The following C15orf40 variants were observed in gnomAD, a reference collection of about 807,000 sequenced individuals.
C15orf40 encodes UPF0235 protein C15orf40.
A neutral mutation model predicts 13.9 loss-of-function variants in C15orf40; 9 were observed. The observed-to-expected ratio is 0.65, with a 90% CI of 0.39 to 1.13. The LOEUF is 1.13. Ranked by LOEUF, C15orf40 falls within the 50% of genes most tolerant of loss-of-function variation. The pLI is 0.01. For synonymous variants in C15orf40, 95 were observed against 69.2 expected (o/e 1.37, Z -1.85); for missense variants, 225 against 188.5 (o/e 1.19, Z -1.13).
In C15orf40 at chr15:83,008,531, A is replaced by G. The variant is rs74479393; in HGVS notation, c.366+17T>C. 243 of 1,609,810 alleles carry G rather than the reference A, an allele frequency of 1.5e-4. 1 individual carries two copies. The African/African-American group carries it at 1.7e-3, about 11-fold the overall frequency. On this transcript the variant is annotated intron_variant, in intron 3 of 3. Coordinates refer to ENST00000304177, the MANE Select transcript of C15orf40 (RefSeq NM_144597.3). ...AAGATTTTGTCTCAAAAAAAAAAAAAAGAGAGCGAGACCTACCTTATCCAA... is the reference window on the plus strand; with the variant it reads ...AAGATTTTGTCTCAAAAAAAAAAAAGAGAGAGCGAGACCTACCTTATCCAA...
At chr15:83,006,121 C>T (rs1348766762) in intron 3 of C15orf40, among the ~76,000 whole-genome samples, 3 of 151,854 alleles carry the variant, frequency 2.0e-5, no homozygotes, top group Non-Finnish European at 2.9e-5. Context: ...ATCCCAGCTA[C>T]TCAGGAGACT....
rs1310700461 is a variant in C15orf40 at position 83,005,275 on chromosome 15, T to C, written c.*322A>G. 3 of 1,007,706 alleles carry C rather than the reference T, an allele frequency of 3.0e-6. No homozygotes were observed. Among genetic ancestry groups the C allele is most frequent in the Non-Finnish European group, 3.6e-6 (3 of 839,406 alleles). The allele number at this position is 1,007,706 out of a possible 1,614,324, so 62.4% of individuals were successfully genotyped here. On this transcript the variant is annotated 3_prime_UTR_variant, in exon 4 of 4. Transcript: ENST00000304177. ...TAGCAATAAAAAAGTTTCTCAAGGA[T>C]GTATTTTTTATTTCTTTTTTTTCGG...
At chr15:83,006,376 T>C (rs1417405586) in intron 3 of C15orf40, 6 of 983,024 alleles carry the variant, frequency 6.1e-6, no homozygotes, top group Non-Finnish European at 7.2e-6. Flanking sequence ...AAATTGCTAT[T>C]CTCTATGTTG....
At position 82,999,343 on chromosome 15, in the gene C15orf40, C is replaced by T. The variant is rs1246108151; in HGVS notation, c.*6254G>A. 1 of 152,050 alleles carries T rather than the reference C, an allele frequency of 6.6e-6. No homozygotes were observed. The highest frequency in any genetic ancestry group is 6.6e-5 in the Admixed American group (1 of 15,264). 9.4% of individuals were successfully genotyped at this position (152,050 alleles called of 1,614,324 possible). Reference sequence around the variant, plus strand: ...AAGTAGCTGAGACTACAGGCACACACCACCATGCCTAGTTAATTTTTTTAA... The same window carrying T: ...AAGTAGCTGAGACTACAGGCACACATCACCATGCCTAGTTAATTTTTTTAA... On this transcript the variant is annotated 3_prime_UTR_variant, in exon 4 of 4. Transcript: ENST00000304177.
In C15orf40 at chr15:83,005,346, G is replaced by A. The variant is rs569391719; in HGVS notation, c.*251C>T. 7 of 843,716 alleles carry A rather than the reference G, an allele frequency of 8.3e-6. No individual in the cohort carries two copies. The highest frequency in any genetic ancestry group is 1.9e-4 in the East Asian group (2 of 10,600). The allele number at this position is 843,716 out of a possible 1,614,324, so 52.3% of individuals were successfully genotyped here. On this transcript the variant is annotated 3_prime_UTR_variant, in exon 4 of 4. Coordinates refer to ENST00000304177, the MANE Select transcript of C15orf40 (RefSeq NM_144597.3). ...GTTGCCCAGGCTGGAGTGCAACGGC[G>A]CGATCTCGGCTTACTGCAACCTCCG...
downstream of C15orf40, chr15:82,988,991 T>C: frequency 6.4e-7 from 1 of 1,559,046 alleles, no homozygotes; most frequent in Non-Finnish European, 8.7e-7. Flanking sequence ...TTAATGGAAA[T>C]GTCTTTAAAA....
Position 82,998,164 on chromosome 15 carries a change from G to C in C15orf40, c.*7433C>G, listed in dbSNP as rs1183366919. On this transcript the variant is annotated 3_prime_UTR_variant, in exon 4 of 4. Coordinates refer to ENST00000304177, the MANE Select transcript of C15orf40 (RefSeq NM_144597.3). ...TCCCGGACGGGGCGGCTGGCCGGGC[G>C]GGGGGCTGACCCCCCACCTCCCTCC... The C allele has an allele frequency of 1.5e-5, 2 of 137,498 alleles. No individual in the cohort carries two copies. The highest frequency in any genetic ancestry group is 1.4e-4 in the Admixed American group (2 of 14,376). The allele number at this position is 137,498 out of a possible 1,614,324, so 8.5% of individuals were successfully genotyped here.
chr15:83,009,202 T>TTTA (rs2031863319), intron 2 of C15orf40, among the ~76,000 whole-genome samples: 1 of 152,236 alleles, frequency 6.6e-6, no homozygotes, highest in East Asian at 1.9e-4. Context: ...ACAGAGCACT[T>TTTA]ACTATACACC....
At chr15:83,008,492 T>A in intron 3 of C15orf40, 56 bp downstream of exon 3, 1 of 1,581,440 alleles carries the variant, frequency 6.3e-7, no homozygotes, top group Non-Finnish European at 8.6e-7. Context: ...GCACTCCAGC[T>A]TGGGCGACAG....
Position 82,999,537 on chromosome 15 carries a change from C to T in C15orf40, c.*6060G>A, listed in dbSNP as rs188278023. ...AATTATGTTAGCCACATTTCAAGTG[C>T]TCAATAGCCACATGTGGTGTGAGCA... On this transcript the variant is annotated 3_prime_UTR_variant, in exon 4 of 4. Coordinates refer to ENST00000304177, the MANE Select transcript of C15orf40 (RefSeq NM_144597.3). 6.6e-6 allele frequency: 1 copy of T among 152,238 alleles called. No homozygotes were observed. The highest frequency in any genetic ancestry group is 2.4e-5 in the African/African-American group (1 of 41,532). The allele number at this position is 152,238 out of a possible 1,614,324, so 9.4% of individuals were successfully genotyped here. A position where few individuals can be genotyped will look rare whatever the true frequency, so the allele number is the denominator to read the frequency against.
Position 83,001,178 on chromosome 15 carries a change from G to GA in C15orf40, c.*4418dup. The GA allele has an allele frequency of 1.0e-6, 1 of 985,462 alleles. No homozygotes were observed. The highest frequency in any genetic ancestry group is 1.2e-6 in the Non-Finnish European group (1 of 829,968). 61.0% of individuals were successfully genotyped at this position (985,462 alleles called of 1,614,324 possible). Reference sequence around the variant, plus strand: ...TTGCTGTCCCTCCCCTAACCGAGAGGAAAGTGTGGAATGGCTCACAGAAAT... The same window carrying GA: ...TTGCTGTCCCTCCCCTAACCGAGAGGAAAAGTGTGGAATGGCTCACAGAAAT... On this transcript the variant is annotated 3_prime_UTR_variant, in exon 4 of 4. Coordinates refer to ENST00000304177, the MANE Select transcript of C15orf40 (RefSeq NM_144597.3).
At chr15:82,994,388 AT>A (rs1443177735), downstream of C15orf40, among the ~76,000 whole-genome samples, 1 of 152,138 alleles carries the variant, frequency 6.6e-6, no homozygotes, top group Non-Finnish European at 1.5e-5. Flanking sequence ...CCGAAATACA[AT>A]TTTTTATACC....
At chr15:82,992,308 G>A (rs1415988675), downstream of C15orf40, among the ~76,000 whole-genome samples, 6 of 152,124 alleles carry the variant, frequency 3.9e-5, no homozygotes, top group Non-Finnish European at 2.9e-5. Flanking sequence ...CCCAGGTGAG[G>A]AGTTCGAGAC....
At position 83,004,579 on chromosome 15, in the gene C15orf40, A is replaced by C. The variant is rs899002236; in HGVS notation, c.*1018T>G. 3.4e-6 allele frequency: 3 copies of C among 890,704 alleles called. No individual in the cohort carries two copies. In the African/African-American group the frequency reaches 5.4e-5, roughly 16 times the overall value. The allele number at this position is 890,704 out of a possible 1,614,324, so 55.2% of individuals were successfully genotyped here. The stretch of plus-strand genomic sequence containing the variant: ...CTTTTAAGGATCTTTGGAGATTCAT[A>C]AAAACTACTGAATTTGCTGATTATT... On this transcript the variant is annotated 3_prime_UTR_variant, in exon 4 of 4. Transcript: ENST00000304177.
chr15:83,008,379 C>A, intron 3 of C15orf40, 169 bp downstream of exon 3: 3 of 593,510 alleles, frequency 5.1e-6, no homozygotes, highest in East Asian at 3.5e-5. Context: ...ATTAGCCAGG[C>A]ATGGTGGCAT....
At chr15:83,006,898 G>C (rs759255177) in intron 3 of C15orf40, among the ~76,000 whole-genome samples, 4 of 152,218 alleles carry the variant, frequency 2.6e-5, no homozygotes, top group Non-Finnish European at 4.4e-5. Context: ...AAACGTCAGC[G>C]CATGAGCACT....
chr15:83,011,298 G>C (rs377167732), intron 1 of C15orf40, 199 bp downstream of exon 1: 1 of 521,828 alleles, frequency 1.9e-6, no homozygotes, highest in South Asian at 3.5e-5. Flanking sequence ...CCAGGTGGAC[G>C]GCAGCGCAGC....
At position 83,000,594 on chromosome 15, in the gene C15orf40, G is replaced by A. The variant is rs2031376571; in HGVS notation, c.*5003C>T. ...GTTTCAGTTTGTGTGGCTTTTTGCT[G>A]TTGTGTTATGGTGCCACCTCTTGGA... is the stretch of plus-strand genomic sequence containing the variant. On this transcript the variant is annotated 3_prime_UTR_variant, in exon 4 of 4. Transcript: ENST00000304177. The A allele has an allele frequency of 1.3e-5, 2 of 152,234 alleles. No homozygotes were observed. The highest frequency in any genetic ancestry group is 4.8e-5 in the African/African-American group (2 of 41,444). 9.4% of individuals were successfully genotyped at this position (152,234 alleles called of 1,614,324 possible).
At chr15:82,992,135 G>A (rs532891244), downstream of C15orf40, 87 of 370,462 alleles carry the variant, frequency 2.3e-4, no homozygotes, top group African/African-American at 1.8e-3. Flanking sequence ...AGGCTCCCTT[G>A]AGTCCGGGAA....
Sources: gnomAD v4.1 joint callset for allele counts (sites outside exome capture counted in the v4.1 genomes callset) on GRCh38, gnomAD v4.1.1 for gene constraint, MANE v1.5 for transcripts, NCBI Gene and HGNC (gene_info 2026-07-23, HGNC 2026-07-21) for gene names.